BARD1: variants seen among roughly 807,000 people sequenced by gnomAD.
BARD1 encodes the protein BRCA1-associated RING domain protein 1.
A neutral mutation model predicts 77.0 loss-of-function variants in BARD1; 73 were observed. The ratio of observed to expected loss-of-function variants is 0.95; its 90% CI spans 0.79 to 1.15. The LOEUF is 1.15. BARD1 is among the 50% of genes most tolerant of loss of function. The pLI is 0.00. For missense variants in BARD1, 993 were observed against 938.8 expected (o/e 1.06, Z -0.75); for synonymous variants, 384 against 338.0 (o/e 1.14, Z -1.49).
At position 214,780,975 on chromosome 2, in the gene BARD1, G is replaced by A. The variant is rs961232989; in HGVS notation, c.899C>T (p.Pro300Leu). 10 of 1,613,562 alleles carry A rather than the reference G, an allele frequency of 6.2e-6. No individual in the cohort carries two copies. The highest frequency in any genetic ancestry group is 6.8e-6 in the Non-Finnish European group (8 of 1,179,726). The change falls in exon 4 of 11, where the codon CCT becomes CTT. Residue 300 changes from proline (P) to leucine (L), a missense_variant. By Grantham distance (98) the Pro-to-Leu change is moderately conservative. Coordinates refer to ENST00000260947, the MANE Select transcript of BARD1 (RefSeq NM_000465.4). ...AAGATAATTTTTGCAGACCTTCTCA[G>A]GAGTCACTACTTCATTCCTGCTCTT... ...DTKSRNEVVT[P>L]EKVCKNYLTS...
chr2:214,806,261 G>C (rs1415463834), intron 1 of BARD1, among the ~76,000 whole-genome samples: 1 of 152,200 alleles, frequency 6.6e-6, no homozygotes, highest in Non-Finnish European at 1.5e-5. Context: ...GCAGATGTCA[G>C]CTGCAAGCTG....
At chr2:214,729,785 G>T (rs1692267962) in intron 10 of BARD1, among the ~76,000 whole-genome samples, 1 of 152,100 alleles carries the variant, frequency 6.6e-6, no homozygotes, top group African/African-American at 2.4e-5. Flanking sequence ...CTTTTCCGTG[G>T]ACTTTTATCC....
In BARD1 at chr2:214,781,172, T is replaced by A. The variant is rs786202878; in HGVS notation, c.702A>T (p.Glu234Asp). ...KEDGEFDSKE[E>D]SKQKLVSFCS... The stretch of plus-strand genomic sequence containing the variant: ...AGAAGGATACCAGCTTTTGCTTAGA[T>A]TCCTCTTTGGAGTCAAATTCACCAT... Residue 234 changes from glutamate (E) to aspartate (D), a missense_variant, in exon 4 of 11, where the codon GAA becomes GAT. Glu to Asp is a conservative substitution (Grantham distance 45). Coordinates refer to ENST00000260947, the MANE Select transcript of BARD1 (RefSeq NM_000465.4). 6.3e-7 allele frequency: 1 copy of A among 1,582,764 alleles called. No homozygotes were observed.
chr2:214,778,262 T>C (rs1362581693), intron 4 of BARD1, among the ~76,000 whole-genome samples: 1 of 141,748 alleles, frequency 7.1e-6, no homozygotes, highest in Admixed American at 7.9e-5. Flanking sequence ...CAAATCTGAT[T>C]TTAAGGATAT....
chr2:214,744,593 A>G (rs1283644754), intron 9 of BARD1, among the ~76,000 whole-genome samples: 1 of 152,178 alleles, frequency 6.6e-6, no homozygotes, highest in Admixed American at 6.5e-5. Flanking sequence ...ACATTTACTA[A>G]GGACATCTAA....
At chr2:214,809,278 G>T in intron 1 of BARD1, 134 bp downstream of exon 1, 1 of 1,300,702 alleles carries the variant, frequency 7.7e-7, no homozygotes, top group Non-Finnish European at 1.1e-6. Context: ...CCCCCGGCAG[G>T]TGCTAACCGC....
chr2:214,795,944 G>C (rs1420254959), intron 2 of BARD1, among the ~76,000 whole-genome samples: 1 of 152,090 alleles, frequency 6.6e-6, no homozygotes. Flanking sequence ...TCGTATAACA[G>C]ATCTGTTTTT....
rs1284886974 is a variant in BARD1, at chr2:214,726,002, G to A, written c.*2674C>T. On this transcript the variant is annotated 3_prime_UTR_variant, in exon 11 of 11. Coordinates refer to ENST00000260947, the MANE Select transcript of BARD1 (RefSeq NM_000465.4). The stretch of plus-strand genomic sequence containing the variant: ...CTCCCCAAATATCATCCTCTAGGCA[G>A]AGGTCACTTAACTATTAAATTTACA... 4.5e-6 allele frequency: 1 copy of A among 219,938 alleles called. No individual in the cohort carries two copies. Among genetic ancestry groups the A allele is most frequent in the African/African-American group, 2.3e-5 (1 of 43,826 alleles). 13.6% of individuals were successfully genotyped at this position (219,938 alleles called of 1,614,324 possible). A position where few individuals can be genotyped will look rare whatever the true frequency, so the allele number is the denominator to read the frequency against.
At chr2:214,769,952 G>C (rs75398471) in intron 4 of BARD1, among the ~76,000 whole-genome samples, 1 of 152,094 alleles carries the variant, frequency 6.6e-6, no homozygotes, top group African/African-American at 2.4e-5. Flanking sequence ...AACAATTTTT[G>C]AGCATTTGTA....
intron 4 of BARD1, among the ~76,000 whole-genome samples, chr2:214,771,014 T>C (rs1694457969): frequency 1.3e-5 from 2 of 152,194 alleles, no homozygotes; most frequent in South Asian, 4.1e-4. Flanking sequence ...CTAGCTGTAA[T>C]ATAAAGGATA....
chr2:214,760,881 T>C (rs2106059594), intron 6 of BARD1, among the ~76,000 whole-genome samples: 1 of 151,480 alleles, frequency 6.6e-6, no homozygotes, highest in African/African-American at 2.4e-5. Flanking sequence ...TTCACACCAT[T>C]CTCCTGCCTC....
At position 214,780,846 on chromosome 2, in the gene BARD1, G is replaced by C. The variant is rs201032007; in HGVS notation, c.1028C>G (p.Thr343Ser). The C allele has an allele frequency of 6.2e-7, 1 of 1,613,982 alleles. No individual in the cohort carries two copies. Among genetic ancestry groups the C allele is most frequent in the African/African-American group, 1.3e-5 (1 of 74,928 alleles). The change falls in exon 4 of 11, where the codon ACC (threonine) becomes AGC (serine). Residue 343 changes from threonine (T) to serine (S), a missense_variant. Thr to Ser is a moderately conservative substitution (Grantham distance 58, BLOSUM62 1). Transcript: ENST00000260947. ...CGTTTGCTTAACAAAATCTCCACTG[G>C]TGCTCAGAATGCTGGTTCTACATCT... ...SKRCRTSILSTSGDFVKQTVP... is the reference protein window; with the variant it reads ...SKRCRTSILSSSGDFVKQTVP...
In BARD1 at chr2:214,791,731, C is replaced by T. The variant is rs145142814; in HGVS notation, c.364+566G>A. On this transcript the variant is annotated intron_variant, in intron 3 of 10. Coordinates refer to ENST00000260947, the MANE Select transcript of BARD1 (RefSeq NM_000465.4). ...AGAAAAGTGATCCATGGAAAAATGT[C>T]GTATTCTATCTTGGGAAAGTGTATT... 9.9e-5 allele frequency among the ~76,000 whole-genome samples: 15 copies of T among 152,202 alleles called. No individual in the cohort carries two copies. In the South Asian group the frequency reaches 1.0e-3, roughly 11 times the overall value.
chr2:214,796,886 A>T (rs998217719), intron 2 of BARD1, 175 bp downstream of exon 2: 5 of 618,152 alleles, frequency 8.1e-6, no homozygotes, highest in South Asian at 2.1e-5. Context: ...TGGTTTTCTT[A>T]TTTGTAAATT....
At chr2:214,807,257 C>CA (rs994380409) in intron 1 of BARD1, among the ~76,000 whole-genome samples, 1 of 151,774 alleles carries the variant, frequency 6.6e-6, no homozygotes, top group Non-Finnish European at 1.5e-5. Flanking sequence ...ATTCTGTAGT[C>CA]AAATGGGTGA....
intron 3 of BARD1, among the ~76,000 whole-genome samples, chr2:214,787,489 T>TA (rs1204208773): frequency 6.6e-6 from 1 of 151,918 alleles, no homozygotes; most frequent in African/African-American, 2.4e-5. Context: ...GATAAAACTG[T>TA]AAAAAGCAAA....
At position 214,782,532 on chromosome 2, in the gene BARD1, G is replaced by T. The variant is rs913832005; in HGVS notation, c.365-1023C>A. On this transcript the variant is annotated intron_variant, in intron 3 of 10. Coordinates refer to ENST00000260947, the MANE Select transcript of BARD1 (RefSeq NM_000465.4). ...TTGAAAAATATAGATTTATAATCAA[G>T]AATTAAAACACAAAGATTCCATTGA... Among the ~76,000 whole-genome samples the T allele has an allele frequency of 9.2e-5, 14 of 151,612 alleles. 1 individual carries two copies. The highest frequency in any genetic ancestry group is 6.3e-4 in the South Asian group (3 of 4,780).
At chr2:214,751,133 ATATATATATATATATATATTTTT>A (rs1693409985) in intron 7 of BARD1, among the ~76,000 whole-genome samples, 2 of 16,274 alleles carry the variant, frequency 1.2e-4, no homozygotes, top group African/African-American at 2.8e-4. Context: ...ATATATATAT[ATATATATATATATATATATTTTT>A]TTTTTTTTTT....
intron 2 of BARD1, among the ~76,000 whole-genome samples, chr2:214,795,400 T>C (rs1319095446): frequency 2.0e-5 from 3 of 152,080 alleles, no homozygotes; most frequent in Non-Finnish European, 4.4e-5. Context: ...GGAAGACAGG[T>C]TCTAGGTCCC....
Sources: gnomAD v4.1 joint callset for allele counts (sites outside exome capture counted in the v4.1 genomes callset) on GRCh38, gnomAD v4.1.1 for gene constraint, MANE v1.5 for transcripts, NCBI Gene and HGNC (gene_info 2026-07-23, HGNC 2026-07-21) for gene names.